The following KIF21B variants were observed in gnomAD, a reference collection of about 807,000 sequenced individuals.
KIF21B encodes the protein kinesin-like protein KIF21B.
In KIF21B, 85 loss-of-function variants were observed where a neutral mutation model predicts 192.9. That is an observed-to-expected ratio of 0.44 (90% CI 0.37 to 0.53). The LOEUF is 0.53. Ranked by LOEUF, KIF21B falls within the 20% of genes least tolerant of loss-of-function variation. The pLI, the probability that KIF21B is intolerant of heterozygous loss-of-function variation, is 0.00. For synonymous variants in KIF21B, 832 were observed against 884.6 expected (o/e 0.94, Z 1.05); for missense variants, 1,716 against 2,194.8 (o/e 0.78, Z 4.36).
chr1:201,007,298 A>ATTG (rs1491589332), intron 3 of KIF21B, among the ~76,000 whole-genome samples: 1 of 133,310 alleles, frequency 7.5e-6, no homozygotes, highest in African/African-American at 3.0e-5. Flanking sequence ...AGACACAGAG[A>ATTG]TACACAGACA....
intron 17 of KIF21B, among the ~76,000 whole-genome samples, 185 bp from the exon 18 acceptor site, chr1:200,991,334 C>T (rs568210924): frequency 6.6e-5 from 10 of 152,330 alleles, no homozygotes; most frequent in African/African-American, 2.4e-4. Context: ...AGGCTGCCAC[C>T]TTCTTTTTTT....
rs1248512655 is a variant in KIF21B, at chr1:200,990,558, G to C, written c.2835+18C>G. ...GGCAGAGGGGTGGAATGGAAGAGAA[G>C]GGGGAGGCAGGGCTCACCTTGATGA... On this transcript the variant is annotated intron_variant, in intron 19 of 34. Transcript: ENST00000461742. The surrounding 1 kb of genome is among the most constrained non-coding windows in gnomAD (Gnocchi z 5.4). 2 of 1,611,442 alleles carry C rather than the reference G, an allele frequency of 1.2e-6. No homozygotes were observed. Among genetic ancestry groups the C allele is most frequent in the South Asian group, 1.1e-5 (1 of 90,892 alleles).
rs1249007330 is a variant in KIF21B at position 200,973,209 on chromosome 1, G to A, written c.*312C>T. On this transcript the variant is annotated 3_prime_UTR_variant, in exon 35 of 35. Coordinates refer to ENST00000461742, the MANE Select transcript of KIF21B (RefSeq NM_001252102.2). ...CACTGGGCCAAAGGCCTGAGAAAGG[G>A]GCAGAGCCGGTTCAGCAGGAGACAA... The A allele has an allele frequency of 1.6e-5, 5 of 315,640 alleles. No individual in the cohort carries two copies. Among genetic ancestry groups the A allele is most frequent in the Non-Finnish European group, 2.9e-5 (5 of 174,900 alleles). The allele number at this position is 315,640 out of a possible 1,614,324, so 19.6% of individuals were successfully genotyped here.
chr1:201,009,304 A>G lies in KIF21B; in HGVS notation c.226T>C (p.Phe76Leu). ...TCVSKLIEGC[F>L]EGYNATVLAY... is the part of the protein sequence containing the mutation. ...AGCACCGTGGCATTATAGCCCTCGAAGCAGCCCTCGATGAGCTTGCTCACA... is the reference window on the plus strand; with the variant it reads ...AGCACCGTGGCATTATAGCCCTCGAGGCAGCCCTCGATGAGCTTGCTCACA... The change falls in exon 2 of 35, where the codon TTC (phenylalanine) becomes CTC (leucine). Residue 76 changes from phenylalanine (F) to leucine (L), a missense_variant. Around this residue, in one of 3 missense-constraint regions of KIF21B, gnomAD observed 1,087 missense variants for 1,316.6 expected, o/e 0.83. Coordinates refer to ENST00000461742, the MANE Select transcript of KIF21B (RefSeq NM_001252102.2). 1 of 1,614,270 alleles carries G rather than the reference A, an allele frequency of 6.2e-7. No individual in the cohort carries two copies. Among genetic ancestry groups the G allele is most frequent in the Non-Finnish European group, 8.5e-7 (1 of 1,180,052 alleles).
rs144344388 is a variant in KIF21B at position 201,017,696 on chromosome 1, C to T, written c.41+5647G>A. 9.2e-3 allele frequency among the ~76,000 whole-genome samples: 1,396 copies of T among 152,312 alleles called. 19 individuals are homozygous for T. The highest frequency in any genetic ancestry group is 0.011 in the Non-Finnish European group (762 of 68,010). ...TCTCCCCACCACACCGGCCCTGGCC[C>T]CCTGCCCACACTGCATGCAGGACAG... On this transcript the variant is annotated intron_variant, in intron 1 of 34. Transcript: ENST00000461742. This position sits in a 1 kb window ranked among gnomAD's most constrained non-coding sequence, Gnocchi z 4.1.
Position 201,000,031 on chromosome 1 carries a change from G to C in KIF21B, c.1686-67C>G. On this transcript the variant is annotated intron_variant, in intron 11 of 34. Coordinates refer to ENST00000461742, the MANE Select transcript of KIF21B (RefSeq NM_001252102.2). This position sits in a 1 kb window ranked among gnomAD's most constrained non-coding sequence, Gnocchi z 6.0. ...CCTGCCCTGAGCACATGGGCAGGAC[G>C]GCGGCAGCGGCAGAAAAGGAAGGCT... 7.2e-7 allele frequency: 1 copy of C among 1,390,062 alleles called. No homozygotes were observed. The highest frequency in any genetic ancestry group is 1.0e-6 in the Non-Finnish European group (1 of 982,248). 86.1% of individuals were successfully genotyped at this position (1,390,062 alleles called of 1,614,324 possible).
rs1459904151 is a variant in KIF21B at position 200,991,713 on chromosome 1, C to G, written c.2398G>C (p.Ala800Pro). ...TGCTGCCGCTTCTGGGACTCCAGAG[C>G]TCGGATCTGAAACTGTGGGAGACAG... ...EQRRQEFQIRALESQKRQQEM... is the reference protein window; with the variant it reads ...EQRRQEFQIRPLESQKRQQEM... Residue 800 changes from alanine to proline, a missense_variant, in exon 17 of 35, where the codon GCT becomes CCT. By Grantham distance (27) the Ala-to-Pro change is conservative. Around this residue, in one of 3 missense-constraint regions of KIF21B, gnomAD observed 1,087 missense variants for 1,316.6 expected, o/e 0.83. Transcript: ENST00000461742. 6.2e-7 allele frequency: 1 copy of G among 1,614,184 alleles called. No individual in the cohort carries two copies. Among genetic ancestry groups the G allele is most frequent in the Non-Finnish European group, 8.5e-7 (1 of 1,180,046 alleles).
At chr1:200,985,783 CCCCCT>C (rs1382642502) in intron 26 of KIF21B, among the ~76,000 whole-genome samples, 286 of 78,706 alleles carry the variant, frequency 3.6e-3, no homozygotes, top group Middle Eastern at 6.5e-3. Flanking sequence ...CCCTCCCCTT[CCCCCT>C]CCCCTCCCCT....
chr1:200,976,899 G>A lies in KIF21B; in HGVS notation c.4326-6C>T. 6.3e-7 allele frequency: 1 copy of A among 1,597,386 alleles called. No individual in the cohort carries two copies. Among genetic ancestry groups the A allele is most frequent in the South Asian group, 1.1e-5 (1 of 90,274 alleles). On this transcript the variant is annotated splice_region_variant and splice_polypyrimidine_tract_variant and intron_variant, in intron 31 of 34. Coordinates refer to ENST00000461742, the MANE Select transcript of KIF21B (RefSeq NM_001252102.2). ...GCTTGCCGACAGGCTGGAACCTGCA[G>A]TGGGAAGAGGCCCAGCCAGGGGTAG...
chr1:201,009,116 C>A, intron 2 of KIF21B, 150 bp downstream of exon 2: 1 of 1,095,156 alleles, frequency 9.1e-7, no homozygotes, highest in South Asian at 1.6e-5. Context: ...ACAGCCCTCC[C>A]TCTGCTAACC....
In KIF21B at chr1:200,998,055, C is replaced by T. The variant is rs11803106; in HGVS notation, c.2077+329G>A. On this transcript the variant is annotated intron_variant, in intron 14 of 34. Coordinates refer to ENST00000461742, the MANE Select transcript of KIF21B (RefSeq NM_001252102.2). The surrounding 1 kb of genome is among the most constrained non-coding windows in gnomAD (Gnocchi z 4.3). ...GCATAATGAAGATAGAATGTAAGAACGGTTACAAACAGGTCCAAAGGAAAA... is the reference window on the plus strand; with the variant it reads ...GCATAATGAAGATAGAATGTAAGAATGGTTACAAACAGGTCCAAAGGAAAA... 6.3e-3 allele frequency among the ~76,000 whole-genome samples: 961 copies of T among 152,186 alleles called. 11 individuals carry two copies. The highest frequency in any genetic ancestry group is 0.022 in the African/African-American group (921 of 41,516).
At position 200,988,922 on chromosome 1, in the gene KIF21B, C is replaced by T. The variant is rs1043347356; in HGVS notation, c.3142G>A (p.Val1048Met). The change falls in exon 22 of 35, where the codon GTG becomes ATG. Residue 1048 changes from valine to methionine, a missense_variant. Transcript: ENST00000461742. ...LKASIDKGLQ[V>M]AQKEAQIRLL... ...CGGATCTGGGCTTCCTTTTGTGCCA[C>T]TTGCAGCCCCTGGGGGCAGGGAACA... 6.2e-7 allele frequency: 1 copy of T among 1,610,066 alleles called. No homozygotes were observed. The highest frequency in any genetic ancestry group is 8.5e-7 in the Non-Finnish European group (1 of 1,178,274).
At position 200,999,960 on chromosome 1, in the gene KIF21B, CG is replaced by C; in HGVS notation, c.1689del (p.Glu564ArgfsTer67). 6.2e-7 allele frequency: 1 copy of C among 1,613,778 alleles called. No homozygotes were observed. On this transcript the variant is annotated frameshift_variant, in exon 12 of 35. Coordinates refer to ENST00000461742, the MANE Select transcript of KIF21B (RefSeq NM_001252102.2). LOFTEE classifies it high-confidence loss of function. This position sits in a 1 kb window ranked among gnomAD's most constrained non-coding sequence, Gnocchi z 4.7. ...GCCCTCTTTTTGAAGGCTTCCTTCT[CG>C]GGGCTGCTCAGGGAGGACAGGGAAG... ...KKEVRQRRKS[P>X]EKEAFKKRAK...
intron 26 of KIF21B, among the ~76,000 whole-genome samples, chr1:200,986,331 G>A (rs1307710670): frequency 2.0e-5 from 3 of 151,428 alleles, no homozygotes; most frequent in African/African-American, 7.3e-5. Context: ...AGTTTAAGGT[G>A]CGTTACAGAA....
chr1:201,005,036 G>T, intron 5 of KIF21B, 103 bp from the exon 6 acceptor site: 1 of 1,334,832 alleles, frequency 7.5e-7, no homozygotes, highest in Non-Finnish European at 1.0e-6. Flanking sequence ...ACGGCCAAGC[G>T]CCTTGCCCTT....
chr1:201,019,380 C>T (rs1658689562), intron 1 of KIF21B, among the ~76,000 whole-genome samples: 1 of 152,184 alleles, frequency 6.6e-6, no homozygotes, highest in Non-Finnish European at 1.5e-5. Context: ...ACAGCAGTTC[C>T]CATTTTCCAG....
At chr1:201,020,001 G>A (rs1342602216) in intron 1 of KIF21B, among the ~76,000 whole-genome samples, 2 of 152,182 alleles carry the variant, frequency 1.3e-5, no homozygotes, top group Non-Finnish European at 2.9e-5. Flanking sequence ...GGGCTGGGGT[G>A]CAATCTAACA....
At chr1:201,010,860 C>G (rs1034693848) in intron 1 of KIF21B, among the ~76,000 whole-genome samples, 1 of 152,228 alleles carries the variant, frequency 6.6e-6, no homozygotes, top group Admixed American at 6.5e-5. Context: ...TGCACTTCCA[C>G]GGCAAGGGAG....
At chr1:200,991,530 T>G (rs1656694932) in intron 17 of KIF21B, 127 bp downstream of exon 17, 1 of 963,942 alleles carries the variant, frequency 1.0e-6, no homozygotes, top group African/African-American at 1.6e-5. Context: ...CTGGCAGAAC[T>G]GGGAAATACC....
Sources: allele counts gnomAD v4.1 joint callset (sites outside exome capture counted in the v4.1 genomes callset), GRCh38; gene constraint gnomAD v4.1.1; regional missense constraint gnomAD v4.1.1; non-coding constraint Gnocchi (gnomAD v3.1); transcripts MANE v1.5; gene names NCBI Gene and HGNC (gene_info 2026-07-23, HGNC 2026-07-21).